PCDHGB2: variants seen among roughly 807,000 people sequenced by gnomAD.
PCDHGB2 encodes the protein protocadherin gamma-B2.
PCDHGB2 carries 55 observed loss-of-function variants against 59.3 expected under a neutral mutation model. The ratio of observed to expected loss-of-function variants is 0.93; its 90% CI spans 0.75 to 1.16. The LOEUF (loss-of-function observed/expected upper bound fraction) is 1.16. PCDHGB2 is among the 50% of genes most tolerant of loss of function. PCDHGB2 has a pLI of 0.00. For synonymous variants in PCDHGB2, 516 were observed against 512.0 expected (o/e 1.01, Z -0.11); for missense variants, 1,228 against 1,198.5 (o/e 1.02, Z -0.36).
chr5:141,364,481 G>A, intron 1 of PCDHGB2: 2 of 1,614,028 alleles, frequency 1.2e-6, no homozygotes, highest in Non-Finnish European at 1.7e-6. Context: ...CATAGCCAAG[G>A]ACCTTGGGCT....
Position 141,432,623 on chromosome 5 carries a change from C to T in PCDHGB2, c.2422-62184C>T, listed in dbSNP as rs1047752183. Reference sequence around the variant, plus strand: ...GCCGGGACTCTTCTCGGTGGGTCTGCACACGGGCGAGGTGCGCACGGCGCG... The same window carrying T: ...GCCGGGACTCTTCTCGGTGGGTCTGTACACGGGCGAGGTGCGCACGGCGCG... On this transcript the variant is annotated intron_variant, in intron 1 of 3. Coordinates refer to ENST00000522605, the MANE Select transcript of PCDHGB2 (RefSeq NM_018923.3). The surrounding 1 kb of genome is among the most constrained non-coding windows in gnomAD (Gnocchi z 6.0). The T allele has an allele frequency of 1.2e-6, 2 of 1,613,196 alleles. No homozygotes were observed. The highest frequency in any genetic ancestry group is 2.2e-5 in the East Asian group (1 of 44,792).
chr5:141,500,184 T>TTTTATTTA (rs58019021), intron 2 of PCDHGB2, among the ~76,000 whole-genome samples: 1,392 of 135,954 alleles, frequency 0.01, 12 homozygotes, highest in South Asian at 0.02. Flanking sequence ...TCATTTTTAT[T>TTTTATTTA]TTTATTTATT....
At chr5:141,414,703 T>C in intron 1 of PCDHGB2, 1 of 1,613,994 alleles carries the variant, frequency 6.2e-7, no homozygotes. Flanking sequence ...CTCATACATA[T>C]CCATCAACTC....
Position 141,431,062 on chromosome 5 carries a change from G to C in PCDHGB2, c.2422-63745G>C, listed in dbSNP as rs2097341170. On this transcript the variant is annotated intron_variant, in intron 1 of 3. Coordinates refer to ENST00000522605, the MANE Select transcript of PCDHGB2 (RefSeq NM_018923.3). This position sits in a 1 kb window ranked among gnomAD's most constrained non-coding sequence, Gnocchi z 4.8. ...AGGAGCTCTGTATGGGGGCCATCAA[G>C]TGTCAATTAAATCTAGACATTCTGA... 6.2e-7 allele frequency: 1 copy of C among 1,614,212 alleles called. No individual in the cohort carries two copies. The highest frequency in any genetic ancestry group is 1.3e-5 in the African/African-American group (1 of 75,084).
intron 1 of PCDHGB2, chr5:141,398,266 G>A: frequency 1.4e-6 from 2 of 1,439,368 alleles, no homozygotes; most frequent in Non-Finnish European, 1.9e-6. Flanking sequence ...GGGCTCCGTA[G>A]TGGGGAACCT....
In PCDHGB2 at chr5:141,383,284, A is replaced by G. The variant is rs760384498; in HGVS notation, c.2421+20728A>G. ...CGTGGAAATAATAGATATTAATGAC[A>G]ACGTTCCAAGATTCTTGACGGAAGA... On this transcript the variant is annotated intron_variant, in intron 1 of 3. Transcript: ENST00000522605. 4 of 1,613,962 alleles carry G rather than the reference A, an allele frequency of 2.5e-6. No homozygotes were observed. In the East Asian group the frequency reaches 8.9e-5, roughly 36 times the overall value.
rs1403789987 is a variant in PCDHGB2 at position 141,511,845 on chromosome 5, T to C, written c.*672T>C. The C allele has an allele frequency of 6.4e-6, 1 of 156,740 alleles. No individual in the cohort carries two copies. The highest frequency in any genetic ancestry group is 1.4e-5 in the Non-Finnish European group (1 of 70,694). 9.7% of individuals were successfully genotyped at this position (156,740 alleles called of 1,614,324 possible). A position where few individuals can be genotyped will look rare whatever the true frequency, so the allele number is the denominator to read the frequency against. On this transcript the variant is annotated 3_prime_UTR_variant, in exon 4 of 4. Transcript: ENST00000522605. ...AACGCCCTGGGGACCAGTCTTCTGT[T>C]TTGTTTTTCATTGTTTGACGTTTCC...
At position 141,361,241 on chromosome 5, in the gene PCDHGB2, T is replaced by C. The variant is rs774637844; in HGVS notation, c.1106T>C (p.Ile369Thr). ...DSPPGTVIALIKTRDRDSGEN... is the reference protein window; with the variant it reads ...DSPPGTVIALTKTRDRDSGEN... Reference sequence around the variant, plus strand: ...CCACCAGGAACAGTGATCGCCTTGATAAAAACGAGAGACAGAGACTCTGGA... The same window carrying C: ...CCACCAGGAACAGTGATCGCCTTGACAAAAACGAGAGACAGAGACTCTGGA... The change falls in exon 1 of 4, where the codon ATA (isoleucine) becomes ACA (threonine). Residue 369 changes from isoleucine to threonine, a missense_variant. By Grantham distance (89) the Ile-to-Thr change is moderately conservative. Coordinates refer to ENST00000522605, the MANE Select transcript of PCDHGB2 (RefSeq NM_018923.3). 3.7e-6 allele frequency: 6 copies of C among 1,613,960 alleles called. No homozygotes were observed. In the South Asian group the frequency reaches 6.6e-5, roughly 18 times the overall value.
At chr5:141,395,542 TTGTGTGTGTGTGTGTGTGTGTG>T (rs55729045) in intron 1 of PCDHGB2, 19 of 172,620 alleles carry the variant, frequency 1.1e-4, no homozygotes, top group Admixed American at 1.0e-3. Context: ...TTGCTATTGT[TTGTGTGTGTGTGTGTGTGTGTG>T]TGTGTGTGTG....
intron 1 of PCDHGB2, chr5:141,393,407 CG>C: frequency 5.0e-6 from 8 of 1,614,056 alleles, no homozygotes; most frequent in Non-Finnish European, 6.8e-6. Context: ...TGCTGGAGCG[CG>C]CCCTGGACAG....
chr5:141,426,317 C>A, intron 1 of PCDHGB2: 1 of 173,952 alleles, frequency 5.7e-6, no homozygotes, highest in African/African-American at 2.4e-5. Flanking sequence ...AGAAGCAGGA[C>A]CCGGCAGTGG....
chr5:141,402,153 T>A (rs2094231712), intron 1 of PCDHGB2, among the ~76,000 whole-genome samples: 1 of 152,166 alleles, frequency 6.6e-6, no homozygotes, highest in Non-Finnish European at 1.5e-5. Flanking sequence ...TTAGCAATAT[T>A]AGGCGAGAAC....
chr5:141,420,422 A>C, intron 1 of PCDHGB2: 1 of 1,196,438 alleles, frequency 8.4e-7, no homozygotes, highest in Non-Finnish European at 1.1e-6. Context: ...TATTAAAACA[A>C]AAGTTTAAAT....
intron 1 of PCDHGB2, among the ~76,000 whole-genome samples, chr5:141,455,967 A>T (rs965245893): frequency 2.7e-5 from 4 of 150,838 alleles, no homozygotes; most frequent in Non-Finnish European, 4.4e-5. Flanking sequence ...GCGCGATCTC[A>T]GCTCACTGCA....
chr5:141,504,461 C>T (rs1485490028), intron 2 of PCDHGB2, among the ~76,000 whole-genome samples: 1 of 151,900 alleles, frequency 6.6e-6, no homozygotes, highest in Non-Finnish European at 1.5e-5. Flanking sequence ...GTGGGGCAGC[C>T]GCTGGGATGG....
intron 1 of PCDHGB2, chr5:141,414,615 G>A: frequency 6.2e-7 from 1 of 1,613,962 alleles, no homozygotes; most frequent in Non-Finnish European, 8.5e-7. Context: ...CAGTGACAGC[G>A]CTGGACCCGG....
intron 1 of PCDHGB2, chr5:141,398,053 A>C: frequency 2.0e-6 from 3 of 1,516,468 alleles, no homozygotes; most frequent in Non-Finnish European, 2.7e-6. Flanking sequence ...TCGGAGATCC[A>C]AAAATCTACA....
At position 141,395,542 on chromosome 5, in the gene PCDHGB2, T is replaced by TTG. The variant is rs55729045; in HGVS notation, c.2421+33034_2421+33035dup. On this transcript the variant is annotated intron_variant, in intron 1 of 3. Transcript: ENST00000522605. ...TCCATACTGGTAATTTTGCTATTGT[T>TTG]TGTGTGTGTGTGTGTGTGTGTGTGT... 1.5e-3 allele frequency: 267 copies of TTG among 172,614 alleles called. 1 individual carries two copies. The highest frequency in any genetic ancestry group is 2.3e-3 in the African/African-American group (40 of 17,550). The allele number at this position is 172,614 out of a possible 1,614,324, so 10.7% of individuals were successfully genotyped here.
chr5:141,360,315 C>T lies in PCDHGB2; in HGVS notation c.180C>T (p.Asp60=), dbSNP rs747029158. ...AGGATCTGGGGCTCAGCGTCCGGGACTTGCCAGCCCGGAAGCTGCGGGTTA... is the reference window on the plus strand; with the variant it reads ...AGGATCTGGGGCTCAGCGTCCGGGATTTGCCAGCCCGGAAGCTGCGGGTTA... ...LAKDLGLSVR[D]LPARKLRVSA... The change falls in exon 1 of 4, where the codon GAC becomes GAT. Residue 60 remains aspartate (D), a synonymous_variant. Transcript: ENST00000522605. 1.2e-6 allele frequency: 2 copies of T among 1,613,966 alleles called. No individual in the cohort carries two copies. The highest frequency in any genetic ancestry group is 1.7e-5 in the Admixed American group (1 of 60,022).
Sources: gnomAD v4.1 joint callset for allele counts (sites outside exome capture counted in the v4.1 genomes callset) on GRCh38, gnomAD v4.1.1 for gene constraint, Gnocchi (gnomAD v3.1) non-coding constraint, MANE v1.5 for transcripts, NCBI Gene and HGNC (gene_info 2026-07-23, HGNC 2026-07-21) for gene names.